CLRN2: variants seen among roughly 807,000 people sequenced by gnomAD.
The protein encoded by CLRN2 is clarin-2.
Under a neutral mutation model 20.1 loss-of-function variants are expected in CLRN2, and 17 were observed. The observed-to-expected ratio is 0.85, with a 90% CI of 0.58 to 1.27. CLRN2 has a LOEUF of 1.27. Ranked by LOEUF, CLRN2 falls within the 50% of genes most tolerant of loss-of-function variation. CLRN2 has a pLI of 0.00. For missense variants in CLRN2, 288 were observed against 299.5 expected (o/e 0.96, Z 0.28); for synonymous variants, 140 against 126.9 (o/e 1.10, Z -0.70).
At chr4:17,519,183 G>T (rs1711774756) in intron 1 of CLRN2, among the ~76,000 whole-genome samples, 1 of 151,900 alleles carries the variant, frequency 6.6e-6, no homozygotes. Context: ...GATGCTGATA[G>T]ATGCTGATAG....
intron 1 of CLRN2, among the ~76,000 whole-genome samples, chr4:17,516,218 G>A (rs1439180582): frequency 2.0e-5 from 3 of 152,192 alleles, no homozygotes; most frequent in Non-Finnish European, 2.9e-5. Flanking sequence ...GAACGTGAGC[G>A]GGCACCGACT....
chr4:17,527,025 T>C lies in CLRN2; in HGVS notation c.642T>C (p.Pro214=), dbSNP rs773369126. ...TGGCGATCAGTCAAATTCCCCTCCC[T>C]GAGATTAAGACCAAAATCGAAGAGG... ...VVVAISQIPL[P]EIKTKIEEAT... is the part of the protein sequence containing the mutation. Residue 214 remains proline (P), a synonymous_variant, in exon 3 of 3, where the codon CCT becomes CCC. Transcript: ENST00000511148. The C allele has an allele frequency of 5.6e-6, 9 of 1,612,966 alleles. No homozygotes were observed. The Admixed American group carries it at 1.5e-4, about 27-fold the overall frequency.
intron 2 of CLRN2, among the ~76,000 whole-genome samples, chr4:17,524,204 A>ATGTGTGTGTGTGTG (rs10527873): frequency 0.049 from 7,292 of 148,516 alleles, 210 homozygotes; most frequent in Non-Finnish European, 0.053. Context: ...AAACTACAAG[A>ATGTGTGTGTGTGTG]TGTGTGTGTG....
At chr4:17,520,751 G>A (rs768506337) in intron 1 of CLRN2, among the ~76,000 whole-genome samples, 9 of 152,302 alleles carry the variant, frequency 5.9e-5, no homozygotes, top group Middle Eastern at 3.4e-3. Flanking sequence ...AGGCACAAGC[G>A]GCAGGGTCTG....
At chr4:17,521,048 A>T (rs1167575570) in intron 1 of CLRN2, among the ~76,000 whole-genome samples, 4 of 152,102 alleles carry the variant, frequency 2.6e-5, no homozygotes, top group Admixed American at 2.6e-4. Flanking sequence ...TATCAGCACA[A>T]GCTACTGTGT....
intron 2 of CLRN2, 66 bp downstream of exon 2, chr4:17,523,109 G>C: frequency 7.1e-7 from 1 of 1,409,042 alleles, no homozygotes; most frequent in Non-Finnish European, 9.6e-7. Flanking sequence ...CCAAGTAGTT[G>C]GGCAGAAGGT....
intron 1 of CLRN2, among the ~76,000 whole-genome samples, chr4:17,522,610 A>T (rs1711860770): frequency 6.6e-6 from 1 of 152,206 alleles, no homozygotes; most frequent in African/African-American, 2.4e-5. Context: ...AGCTCAATGC[A>T]ACTTAAATTG....
chr4:17,518,422 A>G (rs566944153), intron 1 of CLRN2, among the ~76,000 whole-genome samples: 1 of 152,234 alleles, frequency 6.6e-6, no homozygotes, highest in Non-Finnish European at 1.5e-5. Context: ...CCAGGCTCTT[A>G]AGAAAACAGG....
chr4:17,522,981 T>C lies in CLRN2; in HGVS notation c.371T>C (p.Ile124Thr), dbSNP rs201022806. 6.2e-7 allele frequency: 1 copy of C among 1,613,920 alleles called. No individual in the cohort carries two copies. The change falls in exon 2 of 3, where the codon ATC becomes ACC. Residue 124 changes from isoleucine to threonine, a missense_variant. Transcript: ENST00000511148. ...ATGGGCTTTGCCATTCTTAACATGA[T>C]CCAGGTCCCGTACCGGGCAGTCAGC... is the stretch of plus-strand genomic sequence containing the variant. The part of the protein sequence containing the change: ...VSMGFAILNM[I>T]QVPYRAVSGP...
At chr4:17,516,515 T>C (rs1711677305) in intron 1 of CLRN2, among the ~76,000 whole-genome samples, 1 of 152,212 alleles carries the variant, frequency 6.6e-6, no homozygotes, top group African/African-American at 2.4e-5. Flanking sequence ...CCAAGGTAAA[T>C]GTCGTATTAA....
intron 2 of CLRN2, 106 bp from the exon 3 acceptor site, chr4:17,526,711 A>C (rs1009011605): frequency 1.5e-6 from 2 of 1,325,138 alleles, no homozygotes; most frequent in African/African-American, 1.5e-5. Context: ...TCTTCCTCAT[A>C]ATTTTGTTAA....
intron 1 of CLRN2, among the ~76,000 whole-genome samples, chr4:17,515,776 A>G (rs1478694647): frequency 6.6e-6 from 1 of 152,190 alleles, no homozygotes; most frequent in African/African-American, 2.4e-5. Flanking sequence ...ACCTCTATTA[A>G]TTATGACTAT....
At chr4:17,524,296 G>A (rs572494966) in intron 2 of CLRN2, among the ~76,000 whole-genome samples, 66 of 151,516 alleles carry the variant, frequency 4.4e-4, no homozygotes, top group Non-Finnish European at 7.7e-4. Flanking sequence ...ATTTAATTAT[G>A]CACTTAACAA....
At chr4:17,523,359 C>G (rs769463970) in intron 2 of CLRN2, among the ~76,000 whole-genome samples, 1 of 151,924 alleles carries the variant, frequency 6.6e-6, no homozygotes, top group Non-Finnish European at 1.5e-5. Flanking sequence ...GGAGTACAGG[C>G]GTGCACCACC....
chr4:17,518,652 T>G (rs1711755292), intron 1 of CLRN2, among the ~76,000 whole-genome samples: 1 of 151,854 alleles, frequency 6.6e-6, no homozygotes, highest in Admixed American at 6.6e-5. Flanking sequence ...TCCCAGCTAC[T>G]CAGGAGGCTG....
intron 2 of CLRN2, among the ~76,000 whole-genome samples, chr4:17,523,681 G>A (rs1711891759): frequency 6.6e-6 from 1 of 151,238 alleles, no homozygotes; most frequent in South Asian, 2.1e-4. Flanking sequence ...CTAAGGCTGG[G>A]AGGAACTCCA....
intron 2 of CLRN2, 116 bp downstream of exon 2, chr4:17,523,159 C>G (rs928826753): frequency 9.2e-6 from 7 of 757,324 alleles, no homozygotes; most frequent in Non-Finnish European, 1.2e-5. Context: ...CTTGACCTTC[C>G]TGGGTCTAAG....
chr4:17,519,524 C>A (rs1361004512), intron 1 of CLRN2, among the ~76,000 whole-genome samples: 2 of 152,176 alleles, frequency 1.3e-5, no homozygotes, highest in Non-Finnish European at 2.9e-5. Flanking sequence ...GAGAGGGTGT[C>A]CATGAGCAAC....
chr4:17,516,329 A>C (rs1711671341), intron 1 of CLRN2, among the ~76,000 whole-genome samples: 1 of 152,254 alleles, frequency 6.6e-6, no homozygotes, highest in Non-Finnish European at 1.5e-5. Flanking sequence ...GCTTCTGGAA[A>C]GGAAAAAACA....
Sources: gnomAD v4.1 joint callset for allele counts (sites outside exome capture counted in the v4.1 genomes callset) on GRCh38, gnomAD v4.1.1 for gene constraint, MANE v1.5 for transcripts, NCBI Gene and HGNC (gene_info 2026-07-23, HGNC 2026-07-21) for gene names.